Variants in RMDN1 observed in about 807,000 individuals in gnomAD.
RMDN1 encodes the protein regulator of microtubule dynamics 1.
In RMDN1, 48 loss-of-function variants were observed where a neutral mutation model predicts 48.9. The ratio of observed to expected loss-of-function variants is 0.98; its 90% confidence interval spans 0.78 to 1.25. RMDN1 has a LOEUF of 1.25. Ranked by LOEUF, RMDN1 falls within the 50% of genes most tolerant of loss-of-function variation. The probability of loss-of-function intolerance (pLI) is 0.00; values close to 1 mark genes in which losing one functional copy is unlikely to be tolerated. For missense variants in RMDN1, 418 were observed against 373.4 expected (o/e 1.12, Z -0.98); for synonymous variants, 148 against 132.6 (o/e 1.12, Z -0.80).
intron 3 of RMDN1, among the ~76,000 whole-genome samples, 164 bp downstream of exon 3, chr8:86,488,388 G>GT (rs1472479408): frequency 2.0e-5 from 3 of 152,030 alleles, no homozygotes; most frequent in African/African-American, 7.2e-5. Context: ...AGCATTTAAC[G>GT]TAAGAAACAA....
At chr8:86,510,453 C>T (rs1452339675), upstream of RMDN1, among the ~76,000 whole-genome samples, 1 of 152,062 alleles carries the variant, frequency 6.6e-6, no homozygotes, top group Non-Finnish European at 1.5e-5. Flanking sequence ...AAATCGTCAG[C>T]CTTGGTCTTT....
chr8:86,491,674 G>A (rs1005840417), intron 2 of RMDN1, among the ~76,000 whole-genome samples: 1 of 151,780 alleles, frequency 6.6e-6, no homozygotes, highest in African/African-American at 2.4e-5. Flanking sequence ...GAAATGACAT[G>A]TTAATTCACC....
At chr8:86,470,553 T>C (rs551435541), downstream of RMDN1, 4 of 516,610 alleles carry the variant, frequency 7.7e-6, no homozygotes, top group East Asian at 2.9e-4. Context: ...CCTGGGCATG[T>C]ATCCCAGAGA....
At chr8:86,511,456 G>A (rs1360356288), upstream of RMDN1, among the ~76,000 whole-genome samples, 5 of 151,384 alleles carry the variant, frequency 3.3e-5, no homozygotes, top group Admixed American at 6.6e-5. Flanking sequence ...CCTGGTGACA[G>A]AGCTAGACTC....
chr8:86,479,909 G>C (rs1025026361), intron 6 of RMDN1, among the ~76,000 whole-genome samples: 3 of 152,032 alleles, frequency 2.0e-5, no homozygotes, highest in Non-Finnish European at 4.4e-5. Context: ...CAGATTATAT[G>C]GTTCCTCAGA....
chr8:86,478,629 T>G (rs529636040), intron 7 of RMDN1: 3 of 334,346 alleles, frequency 9.0e-6, no homozygotes, highest in Middle Eastern at 9.0e-4. Flanking sequence ...TTGTTCTATT[T>G]TATGACTTCA....
chr8:86,469,163 G>GT (rs574342796), downstream of RMDN1, among the ~76,000 whole-genome samples: 71 of 146,828 alleles, frequency 4.8e-4, no homozygotes, highest in Non-Finnish European at 6.6e-4. Context: ...GCTTACCAGT[G>GT]TTTTTTTTGT....
At chr8:86,507,169 C>T (rs1456911400) in intron 1 of RMDN1, 57 bp from the exon 2 acceptor site, 16 of 1,014,894 alleles carry the variant, frequency 1.6e-5, no homozygotes, top group Non-Finnish European at 2.3e-5. Context: ...GGTACTGCTA[C>T]CCCAAGCAAA....
intron 2 of RMDN1, among the ~76,000 whole-genome samples, chr8:86,490,289 G>C (rs1312622995): frequency 6.6e-6 from 1 of 152,172 alleles, no homozygotes; most frequent in Non-Finnish European, 1.5e-5. Flanking sequence ...GTGAACTGTA[G>C]ATAGAATTAA....
intron 2 of RMDN1, chr8:86,494,959 G>A (rs1817088655): frequency 2.3e-6 from 1 of 429,734 alleles, no homozygotes; most frequent in Non-Finnish European, 4.6e-6. Context: ...CAGTGACACA[G>A]CGAGACTCTG....
chr8:86,505,388 T>C (rs1446872168), intron 2 of RMDN1: 2 of 456,588 alleles, frequency 4.4e-6, no homozygotes, highest in Non-Finnish European at 8.8e-6. Flanking sequence ...CACTAGGGGA[T>C]ATAGGAGAGG....
At chr8:86,477,406 C>T (rs1215696777) in intron 7 of RMDN1, 82 bp from the exon 8 acceptor site, 2 of 1,080,620 alleles carry the variant, frequency 1.9e-6, no homozygotes, top group Non-Finnish European at 2.7e-6. Flanking sequence ...CAAAGATCTA[C>T]TGCTATATTA....
intron 5 of RMDN1, chr8:86,482,739 G>A: frequency 9.9e-7 from 1 of 1,006,356 alleles, no homozygotes; most frequent in African/African-American, 1.6e-5. Flanking sequence ...GTGTCAAGCA[G>A]GTGGCGCCAT....
chr8:86,499,990 G>A (rs1295883450), intron 2 of RMDN1, among the ~76,000 whole-genome samples: 1 of 152,092 alleles, frequency 6.6e-6, no homozygotes, highest in African/African-American at 2.4e-5. Flanking sequence ...GCCATATGCA[G>A]AAGATAGAAA....
intron 5 of RMDN1, 40 bp from the exon 6 acceptor site, chr8:86,480,372 A>G (rs978038491): frequency 1.7e-6 from 2 of 1,171,066 alleles, no homozygotes; most frequent in Non-Finnish European, 2.4e-6. Context: ...TTTGTTTTCT[A>G]AACACCAATA....
At chr8:86,489,273 C>T (rs1201421901) in intron 2 of RMDN1, among the ~76,000 whole-genome samples, 2 of 152,172 alleles carry the variant, frequency 1.3e-5, no homozygotes, top group Non-Finnish European at 2.9e-5. Context: ...CTGGAACTTA[C>T]TGACACTATG....
chr8:86,491,163 TCTCA>T (rs1263308927), intron 2 of RMDN1, among the ~76,000 whole-genome samples: 8 of 151,790 alleles, frequency 5.3e-5, no homozygotes, highest in Admixed American at 4.6e-4. Context: ...TGAGATGGAG[TCTCA>T]CTCTGTCGTC....
chr8:86,507,827 C>G (rs551904176), intron 1 of RMDN1, among the ~76,000 whole-genome samples: 1 of 152,250 alleles, frequency 6.6e-6, no homozygotes, highest in Admixed American at 6.5e-5. Flanking sequence ...CATAATAATT[C>G]TGAAAGATTT....
intron 8 of RMDN1, among the ~76,000 whole-genome samples, chr8:86,475,641 A>T (rs1287449294): frequency 2.0e-5 from 3 of 152,154 alleles, no homozygotes; most frequent in African/African-American, 7.2e-5. Flanking sequence ...GAAAACATGG[A>T]ATTATCTCAC....
Sources: gnomAD v4.1 joint callset for allele counts (sites outside exome capture counted in the v4.1 genomes callset) on GRCh38, gnomAD v4.1.1 for gene constraint, MANE v1.5 for transcripts, NCBI Gene and HGNC (gene_info 2026-07-23, HGNC 2026-07-21) for gene names.